TCF7L2: variants seen among roughly 807,000 people sequenced by gnomAD.
TCF7L2 encodes the protein transcription factor 7-like 2.
TCF7L2 carries 23 observed loss-of-function variants against 77.9 expected under a neutral mutation model. The observed-to-expected ratio is 0.30, with a 90% CI of 0.21 to 0.42. TCF7L2 has a LOEUF of 0.42. TCF7L2 is among the 10% of genes least tolerant of loss of function. The pLI is 1.00. For synonymous variants in TCF7L2, 413 were observed against 340.2 expected (o/e 1.21, Z -2.36); for missense variants, 654 against 793.1 (o/e 0.82, Z 2.11).
At chr10:113,056,881 G>T (rs2055472923) in intron 5 of TCF7L2, among the ~76,000 whole-genome samples, 2 of 152,176 alleles carry the variant, frequency 1.3e-5, no homozygotes, top group South Asian at 4.1e-4. Context: ...GTTTCCTGGG[G>T]CACAGTTCCT....
chr10:113,165,422 C>A, intron 13 of TCF7L2, 133 bp from the exon 15 acceptor site: 2 of 1,001,554 alleles, frequency 2.0e-6, no homozygotes, highest in Non-Finnish European at 3.0e-6. Flanking sequence ...CTGTAATTGT[C>A]CTCGGACCAC....
intron 4 of TCF7L2, among the ~76,000 whole-genome samples, chr10:113,015,381 G>A (rs928473207): frequency 3.3e-5 from 5 of 151,774 alleles, no homozygotes; most frequent in East Asian, 3.9e-4. Context: ...GGCGCATGAG[G>A]CCCTGGCAGC....
chr10:113,165,247 G>T (rs552977367), intron 13 of TCF7L2, among the ~76,000 whole-genome samples: 7 of 152,162 alleles, frequency 4.6e-5, no homozygotes, highest in Non-Finnish European at 1.0e-4. Flanking sequence ...GCAGGTGGCC[G>T]CCTCCATGCT....
intron 4 of TCF7L2, among the ~76,000 whole-genome samples, chr10:112,985,270 G>A (rs1178122032): frequency 6.6e-6 from 1 of 152,016 alleles, no homozygotes; most frequent in Non-Finnish European, 1.5e-5. Context: ...ATCTCTTCTG[G>A]TTAAATTTCT....
intron 4 of TCF7L2, among the ~76,000 whole-genome samples, chr10:112,975,639 G>A (rs1461203199): frequency 6.6e-6 from 1 of 152,052 alleles, no homozygotes; most frequent in Non-Finnish European, 1.5e-5. Flanking sequence ...GCACCACCAT[G>A]CTTGGCTAAT....
chr10:113,071,455 G>A (rs571794370), intron 5 of TCF7L2, among the ~76,000 whole-genome samples: 17 of 152,268 alleles, frequency 1.1e-4, no homozygotes, highest in Admixed American at 3.3e-4. Flanking sequence ...ATATGGTACC[G>A]ATTCCCTTGG....
intron 5 of TCF7L2, among the ~76,000 whole-genome samples, chr10:113,084,620 G>T (rs934250411): frequency 6.6e-6 from 1 of 152,120 alleles, no homozygotes. Context: ...GGCCAGGCAT[G>T]GTGGCTCACA....
Position 113,098,049 on chromosome 10 carries a change from C to CAAA in TCF7L2, c.553-43113_553-43111dup, listed in dbSNP as rs34632183. On this transcript the variant is annotated intron_variant, in intron 5 of 13. Transcript: ENST00000627217. ...TGGGTGACAGAGTGAGACTCTGTCTCAAAAAAAAAAAAAAAAAAAAAAAAG... is the reference window on the plus strand; with the variant it reads ...TGGGTGACAGAGTGAGACTCTGTCTCAAAAAAAAAAAAAAAAAAAAAAAAAAAG... 3.4e-3 allele frequency among the ~76,000 whole-genome samples: 199 copies of CAAA among 59,020 alleles called. 1 individual carries two copies. Among genetic ancestry groups the CAAA allele is most frequent in the East Asian group, 0.029 (51 of 1,730 alleles). 38.7% of individuals were successfully genotyped at this position (59,020 alleles called of 152,430 possible).
chr10:113,056,863 T>C (rs1214614056), intron 5 of TCF7L2, among the ~76,000 whole-genome samples: 1 of 152,114 alleles, frequency 6.6e-6, no homozygotes, highest in Admixed American at 6.5e-5. Flanking sequence ...GGTGGGTAGC[T>C]GAGGGCGGTT....
intron 4 of TCF7L2, among the ~76,000 whole-genome samples, chr10:112,991,188 C>T (rs977384340): frequency 2.6e-5 from 4 of 152,122 alleles, no homozygotes; most frequent in African/African-American, 9.7e-5. Context: ...GGGGTGGAAT[C>T]CTGTATCCAT....
At chr10:113,000,029 G>C (rs962777827) in intron 4 of TCF7L2, among the ~76,000 whole-genome samples, 6 of 152,160 alleles carry the variant, frequency 3.9e-5, no homozygotes, top group African/African-American at 1.4e-4. Flanking sequence ...GTAATTTTAG[G>C]GGACACTGTC....
chr10:113,117,538 C>A (rs2064017665), intron 5 of TCF7L2, among the ~76,000 whole-genome samples: 1 of 151,744 alleles, frequency 6.6e-6, no homozygotes, highest in Non-Finnish European at 1.5e-5. Context: ...TCTCTCACAG[C>A]ACGTTTTGGT....
Position 112,969,632 on chromosome 10 carries a change from C to T in TCF7L2, c.450+5008C>T, listed in dbSNP as rs114918524. 9.9e-4 allele frequency among the ~76,000 whole-genome samples: 150 copies of T among 152,276 alleles called. 1 individual carries two copies. Among genetic ancestry groups the T allele is most frequent in the African/African-American group, 3.4e-3 (141 of 41,550 alleles). ...GTAGTTGTTAGGTATGTGAGTGATA[C>T]GTGTAGGGTGAGCAGTAAATTTATC... is the stretch of plus-strand genomic sequence containing the variant. On this transcript the variant is annotated intron_variant, in intron 4 of 13. Transcript: ENST00000627217.
intron 3 of TCF7L2, among the ~76,000 whole-genome samples, chr10:112,955,266 T>A (rs2033230725): frequency 6.6e-6 from 1 of 152,208 alleles, no homozygotes; most frequent in African/African-American, 2.4e-5. Flanking sequence ...TACCCTTCTT[T>A]GGTATTTATG....
chr10:112,965,372 A>G (rs2036497020), intron 4 of TCF7L2, among the ~76,000 whole-genome samples: 1 of 152,170 alleles, frequency 6.6e-6, no homozygotes, highest in Non-Finnish European at 1.5e-5. Flanking sequence ...GCAGACTAAT[A>G]CGATTTTCGT....
intron 4 of TCF7L2, among the ~76,000 whole-genome samples, chr10:113,019,886 T>G (rs1446969023): frequency 6.6e-6 from 1 of 152,110 alleles, no homozygotes; most frequent in Non-Finnish European, 1.5e-5. Flanking sequence ...ACAGTTTAAG[T>G]GCAGTGATAC....
intron 4 of TCF7L2, among the ~76,000 whole-genome samples, chr10:113,001,576 G>T (rs1046066017): frequency 2.0e-5 from 3 of 152,042 alleles, no homozygotes; most frequent in African/African-American, 4.8e-5. Context: ...CTCAGGGCAG[G>T]GTAGCTCCTG....
At chr10:113,121,240 C>G in intron 5 of TCF7L2, among the ~76,000 whole-genome samples, 1 of 152,190 alleles carries the variant, frequency 6.6e-6, no homozygotes, top group East Asian at 1.9e-4. Context: ...TGGAGAGAGC[C>G]TTGCCCCTCT....
At chr10:113,036,688 C>CT (rs1554964173) in intron 4 of TCF7L2, among the ~76,000 whole-genome samples, 13 of 150,630 alleles carry the variant, frequency 8.6e-5, no homozygotes, top group Non-Finnish European at 1.6e-4. Flanking sequence ...TTCTTTCTTT[C>CT]TTTTTTTTTA....
Sources: allele counts gnomAD v4.1 joint callset (sites outside exome capture counted in the v4.1 genomes callset), GRCh38; gene constraint gnomAD v4.1.1; transcripts MANE v1.5; gene names NCBI Gene and HGNC (gene_info 2026-07-23, HGNC 2026-07-21).